Variants in TAFA1 observed in about 807,000 individuals in gnomAD.
TAFA1 encodes the protein chemokine-like protein TAFA-1.
Under a neutral mutation model 18.5 loss-of-function variants are expected in TAFA1, and 4 were observed. The ratio of observed to expected loss-of-function variants is 0.22; its 90% CI spans 0.11 to 0.49. TAFA1 has a LOEUF of 0.49. TAFA1 is among the 20% of genes least tolerant of loss of function. TAFA1 has a pLI of 0.98. For missense variants in TAFA1, 147 were observed against 169.0 expected (o/e 0.87, Z 0.72); for synonymous variants, 56 against 55.2 (o/e 1.01, Z -0.06).
At chr3:68,174,920 T>C (rs1180542849) in intron 2 of TAFA1, among the ~76,000 whole-genome samples, 1 of 152,188 alleles carries the variant, frequency 6.6e-6, no homozygotes, top group Non-Finnish European at 1.5e-5. Context: ...AAAAGTGAGC[T>C]GAACCCAGGG....
chr3:68,050,719 C>T (rs2064460166), intron 2 of TAFA1, among the ~76,000 whole-genome samples: 1 of 152,104 alleles, frequency 6.6e-6, no homozygotes, highest in Non-Finnish European at 1.5e-5. Flanking sequence ...CAAGGGTCAG[C>T]CATTGACTAA....
rs115701199 is a variant in TAFA1, at chr3:68,108,277, A to G, written c.118+101533A>G. On this transcript the variant is annotated intron_variant, in intron 2 of 4. Transcript: ENST00000478136. ...TGAGAGCTCCTTTTGAATGCAACAAACTAGTTGAACTGAATTGTATTAAAT... is the reference window on the plus strand; with the variant it reads ...TGAGAGCTCCTTTTGAATGCAACAAGCTAGTTGAACTGAATTGTATTAAAT... Among the ~76,000 whole-genome samples the G allele has an allele frequency of 2.1e-3, 318 of 152,268 alleles. 3 individuals are homozygous for G. Among genetic ancestry groups the G allele is most frequent in the African/African-American group, 7.2e-3 (299 of 41,560 alleles).
chr3:68,054,443 C>T (rs1324674161), intron 2 of TAFA1, among the ~76,000 whole-genome samples: 3 of 152,178 alleles, frequency 2.0e-5, no homozygotes, highest in Admixed American at 1.3e-4. Flanking sequence ...TTATTAGATG[C>T]CCAATCTTCT....
At chr3:68,453,016 T>C (rs1194220421) in intron 3 of TAFA1, among the ~76,000 whole-genome samples, 1 of 152,204 alleles carries the variant, frequency 6.6e-6, no homozygotes, top group Non-Finnish European at 1.5e-5. Context: ...TTTGAAACAC[T>C]ACAGTGTTGC....
intron 3 of TAFA1, among the ~76,000 whole-genome samples, chr3:68,446,966 C>A (rs890298431): frequency 3.3e-5 from 5 of 152,134 alleles, no homozygotes; most frequent in Non-Finnish European, 7.4e-5. Flanking sequence ...CACTAATTAT[C>A]CATCCATTGC....
At chr3:68,037,172 AG>A (rs890031772) in intron 2 of TAFA1, among the ~76,000 whole-genome samples, 1 of 152,108 alleles carries the variant, frequency 6.6e-6, no homozygotes, top group Non-Finnish European at 1.5e-5. Flanking sequence ...GGGTAGGAGA[AG>A]GGTGTTCCAG....
At chr3:68,456,586 C>G (rs948184801) in intron 3 of TAFA1, among the ~76,000 whole-genome samples, 1 of 152,162 alleles carries the variant, frequency 6.6e-6, no homozygotes, top group African/African-American at 2.4e-5. Flanking sequence ...AGATCTTTCA[C>G]CTTCCTTTTG....
At chr3:68,100,706 T>G (rs1285822025) in intron 2 of TAFA1, among the ~76,000 whole-genome samples, 1 of 152,180 alleles carries the variant, frequency 6.6e-6, no homozygotes, top group Admixed American at 6.5e-5. Flanking sequence ...CTTTCAATAA[T>G]TCAATAAAGG....
At chr3:68,419,295 G>A (rs1309033192) in intron 3 of TAFA1, among the ~76,000 whole-genome samples, 2 of 152,260 alleles carry the variant, frequency 1.3e-5, no homozygotes, top group Admixed American at 6.5e-5. Context: ...GGGGCACCAT[G>A]GAAGCTGGTT....
At chr3:68,021,448 A>G (rs1052023325) in intron 2 of TAFA1, among the ~76,000 whole-genome samples, 4 of 152,100 alleles carry the variant, frequency 2.6e-5, no homozygotes, top group African/African-American at 9.7e-5. Flanking sequence ...TCTTTTCAAT[A>G]ATTGTGTTGT....
intron 2 of TAFA1, among the ~76,000 whole-genome samples, chr3:68,103,084 A>G (rs530015428): frequency 6.6e-6 from 1 of 152,192 alleles, no homozygotes; most frequent in Non-Finnish European, 1.5e-5. Context: ...GCATTACCCA[A>G]GTTTGGAGAT....
At chr3:68,251,156 G>A (rs1021314190) in intron 2 of TAFA1, among the ~76,000 whole-genome samples, 3 of 152,110 alleles carry the variant, frequency 2.0e-5, no homozygotes, top group Admixed American at 1.3e-4. Context: ...ACATTCAGAA[G>A]TCTCCTCAAG....
intron 3 of TAFA1, among the ~76,000 whole-genome samples, chr3:68,515,583 A>G (rs1559701283): frequency 6.6e-6 from 1 of 152,200 alleles, no homozygotes; most frequent in African/African-American, 2.4e-5. Context: ...AATAAGAGCT[A>G]TGTGACAAAT....
intron 2 of TAFA1, among the ~76,000 whole-genome samples, chr3:68,070,321 C>A (rs1027408597): frequency 4.6e-5 from 7 of 152,222 alleles, no homozygotes; most frequent in African/African-American, 1.7e-4. Context: ...CCCTCTGAAG[C>A]CACAGCCCGA....
intron 3 of TAFA1, among the ~76,000 whole-genome samples, chr3:68,509,285 C>T: frequency 6.6e-6 from 1 of 151,986 alleles, no homozygotes. Context: ...CACATGTGGT[C>T]TCATTAGAGT....
chr3:68,537,597 G>A (rs1477455997), intron 3 of TAFA1, among the ~76,000 whole-genome samples: 4 of 152,038 alleles, frequency 2.6e-5, no homozygotes, highest in African/African-American at 9.7e-5. Context: ...GGACAATGGG[G>A]GCTTCAGAGA....
chr3:68,330,363 C>T (rs1037833240), intron 2 of TAFA1, among the ~76,000 whole-genome samples: 26 of 152,172 alleles, frequency 1.7e-4, no homozygotes, highest in African/African-American at 6.0e-4. Context: ...GAGAGTAAGG[C>T]TGGCTTCATC....
intron 2 of TAFA1, among the ~76,000 whole-genome samples, chr3:68,196,180 G>T (rs2107026191): frequency 6.6e-6 from 1 of 151,784 alleles, no homozygotes; most frequent in East Asian, 2.0e-4. Flanking sequence ...CTCCCATCCG[G>T]CCTTGACTTT....
chr3:68,238,682 T>C (rs1316506382), intron 2 of TAFA1, among the ~76,000 whole-genome samples: 1 of 152,206 alleles, frequency 6.6e-6, no homozygotes, highest in African/African-American at 2.4e-5. Flanking sequence ...AATTGATGGC[T>C]GATGATTAAA....
Sources: gnomAD v4.1 joint callset for allele counts (sites outside exome capture counted in the v4.1 genomes callset) on GRCh38, gnomAD v4.1.1 for gene constraint, MANE v1.5 for transcripts, NCBI Gene and HGNC (gene_info 2026-07-23, HGNC 2026-07-21) for gene names.